Variants in ZFAND3 observed in about 807,000 individuals in gnomAD.
The protein encoded by ZFAND3 is AN1-type zinc finger protein 3.
Under a neutral mutation model 29.6 loss-of-function variants are expected in ZFAND3, and 10 were observed. The observed-to-expected ratio is 0.34, with a 90% confidence interval of 0.21 to 0.57. The LOEUF is 0.57. Among genes scored for constraint, ZFAND3 ranks in the 20% least tolerant of loss-of-function variants. The probability of loss-of-function intolerance (pLI) is 0.86; values close to 1 mark genes in which losing one functional copy is unlikely to be tolerated. For missense variants in ZFAND3, 230 were observed against 304.5 expected (o/e 0.76, Z 1.82); for synonymous variants, 128 against 112.6 (o/e 1.14, Z -0.87).
chr6:38,112,514 A>G (rs1765339401), intron 4 of ZFAND3, among the ~76,000 whole-genome samples: 1 of 152,238 alleles, frequency 6.6e-6, no homozygotes, highest in African/African-American at 2.4e-5. Flanking sequence ...GCCCAAGTTC[A>G]GAGTATGTAA....
intron 1 of ZFAND3, among the ~76,000 whole-genome samples, chr6:37,856,650 C>T (rs1400325680): frequency 6.6e-6 from 1 of 152,056 alleles, no homozygotes; most frequent in East Asian, 1.9e-4. Context: ...TGATTTTGTT[C>T]TCTTGATACT....
At chr6:37,974,860 G>A (rs1037641586) in intron 2 of ZFAND3, among the ~76,000 whole-genome samples, 2 of 152,068 alleles carry the variant, frequency 1.3e-5, no homozygotes, top group African/African-American at 4.8e-5. Flanking sequence ...ATGGACATTT[G>A]GTGGCTTTGA....
chr6:37,852,701 A>G (rs1188247721), intron 1 of ZFAND3, among the ~76,000 whole-genome samples: 1 of 147,926 alleles, frequency 6.8e-6, no homozygotes, highest in African/African-American at 2.5e-5. Context: ...TCTTATGTGT[A>G]TTTCCTTTTT....
intron 5 of ZFAND3, among the ~76,000 whole-genome samples, chr6:38,144,196 TATATATATATATATAATATATA>T (rs1766034610): frequency 9.7e-5 from 4 of 41,086 alleles, no homozygotes; most frequent in African/African-American, 2.2e-4. Context: ...TATATATATA[TATATATATATATATAATATATA>T]ATATATATAT....
At chr6:38,020,189 A>G (rs1763322632) in intron 2 of ZFAND3, among the ~76,000 whole-genome samples, 1 of 150,572 alleles carries the variant, frequency 6.6e-6, no homozygotes, top group African/African-American at 2.4e-5. Context: ...TCATATGTAA[A>G]ATGAGAATAA....
intron 5 of ZFAND3, among the ~76,000 whole-genome samples, chr6:38,148,163 C>T (rs185924296): frequency 5.4e-4 from 82 of 152,296 alleles, no homozygotes; most frequent in African/African-American, 1.9e-3. Flanking sequence ...TCCAGTCTCA[C>T]TCTTCTGCAT....
At chr6:37,831,763 A>T (rs1355511743) in intron 1 of ZFAND3, among the ~76,000 whole-genome samples, 2 of 152,192 alleles carry the variant, frequency 1.3e-5, no homozygotes, top group African/African-American at 2.4e-5. Context: ...AGTGTGCTGA[A>T]TTAAGAGAGG....
intron 1 of ZFAND3, among the ~76,000 whole-genome samples, chr6:37,890,430 C>T (rs1321965406): frequency 6.6e-6 from 1 of 152,166 alleles, no homozygotes; most frequent in Non-Finnish European, 1.5e-5. Flanking sequence ...CCTCAGCTCT[C>T]TTGTTCTGAC....
At chr6:38,016,987 CT>C (rs1175969288) in intron 2 of ZFAND3, among the ~76,000 whole-genome samples, 1 of 152,150 alleles carries the variant, frequency 6.6e-6, no homozygotes, top group South Asian at 2.1e-4. Flanking sequence ...TTGAACTTCC[CT>C]TTTCTAACCT....
chr6:38,042,354 A>G (rs1763807774), intron 2 of ZFAND3, among the ~76,000 whole-genome samples: 1 of 131,292 alleles, frequency 7.6e-6, no homozygotes, highest in Non-Finnish European at 1.5e-5. Context: ...CGCTCTTGTC[A>G]CTCAGGCTGG....
chr6:37,944,046 T>C (rs1375002766), intron 2 of ZFAND3, among the ~76,000 whole-genome samples: 1 of 152,224 alleles, frequency 6.6e-6, no homozygotes, highest in East Asian at 1.9e-4. Flanking sequence ...TTAATTCAGG[T>C]GCTGTTAGTC....
chr6:38,069,830 T>C (rs559721776), intron 3 of ZFAND3, among the ~76,000 whole-genome samples: 2 of 152,364 alleles, frequency 1.3e-5, no homozygotes, highest in South Asian at 4.1e-4. Flanking sequence ...TGACCTTCCA[T>C]TTGTAGTCAA....
intron 1 of ZFAND3, among the ~76,000 whole-genome samples, chr6:37,859,423 T>C (rs531823698): frequency 5.3e-5 from 8 of 152,370 alleles, no homozygotes; most frequent in African/African-American, 1.9e-4. Flanking sequence ...TCTTCATCGC[T>C]CTTCCATACC....
chr6:37,945,429 T>C (rs1005045928), intron 2 of ZFAND3, among the ~76,000 whole-genome samples: 5 of 152,202 alleles, frequency 3.3e-5, no homozygotes, highest in African/African-American at 1.2e-4. Context: ...AGAGTCTCGC[T>C]CTGTCTCCCA....
intron 5 of ZFAND3, among the ~76,000 whole-genome samples, chr6:38,144,191 A>ATTATATATAT (rs1454244015): frequency 4.8e-5 from 2 of 41,816 alleles, no homozygotes; most frequent in Admixed American, 2.0e-4. Context: ...TATAATATAT[A>ATTATATATAT]TATATATATA....
At chr6:37,897,054 C>T (rs544832072) in intron 1 of ZFAND3, among the ~76,000 whole-genome samples, 1 of 151,806 alleles carries the variant, frequency 6.6e-6, no homozygotes, top group Non-Finnish European at 1.5e-5. Flanking sequence ...CATATAATAA[C>T]AAGTATGATG....
At chr6:37,977,638 C>T (rs75491122) in intron 2 of ZFAND3, among the ~76,000 whole-genome samples, 4,058 of 152,050 alleles carry the variant, frequency 0.027, 91 homozygotes, top group Non-Finnish European at 0.036. Flanking sequence ...TGGGAGCAAA[C>T]GTCCCTTTCT....
At chr6:38,041,404 CTGTGTT>C (rs1561976449) in intron 2 of ZFAND3, among the ~76,000 whole-genome samples, 1 of 151,936 alleles carries the variant, frequency 6.6e-6, no homozygotes, top group Non-Finnish European at 1.5e-5. Context: ...ATAATTTCTT[CTGTGTT>C]TATTAGTTTG....
intron 4 of ZFAND3, among the ~76,000 whole-genome samples, chr6:38,098,888 GTTTTTGTTTTTTGT>G (rs967994143): frequency 6.6e-6 from 1 of 152,032 alleles, no homozygotes; most frequent in Non-Finnish European, 1.5e-5. Context: ...TATATATGTG[GTTTTTGTTTTTTGT>G]TTTTTGTTTT....
Sources: gnomAD v4.1 joint callset for allele counts (sites outside exome capture counted in the v4.1 genomes callset) on GRCh38, gnomAD v4.1.1 for gene constraint, MANE v1.5 for transcripts, NCBI Gene and HGNC (gene_info 2026-07-23, HGNC 2026-07-21) for gene names.